Variants in RELN observed in about 807,000 individuals in gnomAD.
The protein encoded by RELN is reelin.
A neutral mutation model predicts 427.6 loss-of-function variants in RELN; 108 were observed. That is an observed-to-expected ratio of 0.25 (90% CI 0.22 to 0.30). RELN has a LOEUF of 0.30. Ranked by LOEUF, RELN falls within the 10% of genes least tolerant of loss-of-function variation. The pLI is 1.00. For synonymous variants in RELN, 1,524 were observed against 1,513.4 expected, an observed-to-expected ratio of 1.01 and a Z score of -0.16; for missense variants, 3,715 against 4,302.8, an observed-to-expected ratio of 0.86 and a Z score of 3.82.
intron 6 of RELN, among the ~76,000 whole-genome samples, chr7:103,738,522 C>A (rs1177929338): frequency 6.6e-6 from 1 of 151,924 alleles, no homozygotes; most frequent in East Asian, 1.9e-4. Flanking sequence ...ATAATCATCA[C>A]CCCAGAGAGG....
chr7:103,594,595 T>C (rs1328740791), intron 25 of RELN, 103 bp from the exon 26 acceptor site: 1 of 1,239,978 alleles, frequency 8.1e-7, no homozygotes, highest in African/African-American at 1.5e-5. Flanking sequence ...AAGTTTTGTT[T>C]GGTTTGATCT....
At chr7:103,936,858 T>C (rs1795999371) in intron 1 of RELN, among the ~76,000 whole-genome samples, 1 of 152,222 alleles carries the variant, frequency 6.6e-6, no homozygotes, top group Admixed American at 6.5e-5. Flanking sequence ...AGTTTACAAC[T>C]ATATTTGCTT....
rs1484100295 is a variant in RELN, at chr7:103,603,157, G to A, written c.3333+147C>T. On this transcript the variant is annotated intron_variant, in intron 24 of 64. Transcript: ENST00000428762. This position sits in a 1 kb window ranked among gnomAD's most constrained non-coding sequence, Gnocchi z 4.3. ...AACAACAAGAATTTCCCAAGACATA[G>A]CTAAGGAATAGGAATTTGATAGAGC... 1 of 737,816 alleles carries A rather than the reference G, an allele frequency of 1.4e-6. No homozygotes were observed. The highest frequency in any genetic ancestry group is 2.0e-5 in the Admixed American group (1 of 50,300). The allele number at this position is 737,816 out of a possible 1,614,324, so 45.7% of individuals were successfully genotyped here.
chr7:103,917,899 C>T (rs1795522387), intron 1 of RELN, among the ~76,000 whole-genome samples: 1 of 152,102 alleles, frequency 6.6e-6, no homozygotes, highest in Admixed American at 6.6e-5. Context: ...GCTCACCACC[C>T]TAAAACCTGA....
At chr7:103,815,329 CAAATA>C (rs1404972737) in intron 3 of RELN, among the ~76,000 whole-genome samples, 1 of 152,090 alleles carries the variant, frequency 6.6e-6, no homozygotes, top group Non-Finnish European at 1.5e-5. Flanking sequence ...TCTTTCCAGG[CAAATA>C]AAATAAATCT....
intron 6 of RELN, among the ~76,000 whole-genome samples, chr7:103,742,010 AC>A (rs1562984494): frequency 6.6e-6 from 1 of 151,770 alleles, no homozygotes; most frequent in Non-Finnish European, 1.5e-5. Flanking sequence ...ACTGGGAGGC[AC>A]CCCCCAGTAG....
chr7:103,893,842 A>G lies in RELN; in HGVS notation c.337+23233T>C, dbSNP rs139202481. On this transcript the variant is annotated intron_variant, in intron 2 of 64. Coordinates refer to ENST00000428762, the MANE Select transcript of RELN (RefSeq NM_005045.4). ...CCCAAAGGTTGAGGATCACTAAGAT[A>G]GAGTAATGTGTATAATGAATCAGTA... Among the ~76,000 whole-genome samples the G allele has an allele frequency of 1.6e-3, 245 of 152,284 alleles. 2 individuals carry two copies. Among genetic ancestry groups the G allele is most frequent in the African/African-American group, 5.7e-3 (236 of 41,572 alleles).
intron 46 of RELN, among the ~76,000 whole-genome samples, chr7:103,530,475 G>A (rs1052470813): frequency 2.0e-5 from 3 of 152,154 alleles, no homozygotes; most frequent in Non-Finnish European, 2.9e-5. Flanking sequence ...ATGTGAATCT[G>A]TCTGTTGTCC....
rs1458925963 is a variant in RELN at position 103,635,442 on chromosome 7, G to C, written c.2448C>G (p.Leu816=). The C allele has an allele frequency of 1.2e-6, 2 of 1,613,926 alleles. No individual in the cohort carries two copies. Among genetic ancestry groups the C allele is most frequent in the Admixed American group, 1.7e-5 (1 of 60,010 alleles). ...TWKLLEHYSY[L]SYHEPRIISV... The stretch of plus-strand genomic sequence containing the variant: ...CAACATACCTGGGCTCATGATAGCT[G>C]AGATATGAATAATGCTCCAGGAGTT... The change falls in exon 19 of 65, where the codon CTC becomes CTG. Residue 816 remains leucine (L), a synonymous_variant. Transcript: ENST00000428762.
At chr7:103,979,239 G>A (rs1796941098) in intron 1 of RELN, among the ~76,000 whole-genome samples, 2 of 152,084 alleles carry the variant, frequency 1.3e-5, no homozygotes, top group South Asian at 2.1e-4. Flanking sequence ...AGCTCTGACC[G>A]CAAACTTTGG....
intron 55 of RELN, 21 bp downstream of exon 55, chr7:103,497,799 G>T (rs770760563): frequency 6.3e-7 from 1 of 1,597,008 alleles, no homozygotes; most frequent in South Asian, 1.1e-5. Context: ...CCAAGGGGTG[G>T]TTTTCACCCC....
intron 3 of RELN, among the ~76,000 whole-genome samples, chr7:103,811,123 T>C (rs1792732577): frequency 6.6e-6 from 1 of 152,262 alleles, no homozygotes; most frequent in African/African-American, 2.4e-5. Flanking sequence ...TATTGATTCA[T>C]ATGTAACTAC....
intron 3 of RELN, among the ~76,000 whole-genome samples, chr7:103,796,978 C>A (rs1792320149): frequency 6.6e-6 from 1 of 151,848 alleles, no homozygotes; most frequent in South Asian, 2.1e-4. Context: ...GTAAGACCTG[C>A]CTGCCTAAAA....
intron 28 of RELN, among the ~76,000 whole-genome samples, chr7:103,587,580 T>C (rs1238255895): frequency 2.0e-5 from 3 of 151,744 alleles, no homozygotes; most frequent in Non-Finnish European, 4.4e-5. Context: ...ACCTACAGAG[T>C]AAAGAGACAA....
intron 1 of RELN, among the ~76,000 whole-genome samples, chr7:103,925,423 C>T (rs1021563487): frequency 6.6e-6 from 1 of 151,856 alleles, no homozygotes; most frequent in Non-Finnish European, 1.5e-5. Context: ...TTATAAATGA[C>T]ACTTTATTAT....
At chr7:103,653,111 T>C (rs1008276102) in intron 13 of RELN, among the ~76,000 whole-genome samples, 5 of 152,084 alleles carry the variant, frequency 3.3e-5, no homozygotes, top group Admixed American at 6.6e-5. Flanking sequence ...ATTTATACTT[T>C]ATCATCAGTC....
chr7:103,831,166 A>G (rs1478665241), intron 3 of RELN, among the ~76,000 whole-genome samples: 1 of 152,136 alleles, frequency 6.6e-6, no homozygotes, highest in African/African-American at 2.4e-5. Context: ...TGATATAGAT[A>G]TACTTTGTGT....
At chr7:103,916,131 G>T (rs1265231729) in intron 2 of RELN, among the ~76,000 whole-genome samples, 1 of 152,142 alleles carries the variant, frequency 6.6e-6, no homozygotes, top group African/African-American at 2.4e-5. Context: ...GGCAAGCAGT[G>T]ACAATGCAGC....
chr7:103,501,551 A>G (rs766184615), intron 52 of RELN, among the ~76,000 whole-genome samples: 2 of 152,196 alleles, frequency 1.3e-5, no homozygotes, highest in African/African-American at 4.8e-5. Context: ...AAAATATGCC[A>G]TACTATTTTG....
Sources: allele counts gnomAD v4.1 joint callset (sites outside exome capture counted in the v4.1 genomes callset), GRCh38; gene constraint gnomAD v4.1.1; non-coding constraint Gnocchi (gnomAD v3.1); transcripts MANE v1.5; gene names NCBI Gene and HGNC (gene_info 2026-07-23, HGNC 2026-07-21).